LRCH4: variants seen among roughly 807,000 people sequenced by gnomAD.
LRCH4 encodes the protein leucine-rich repeat and calponin homology domain-containing protein 4.
In LRCH4, 56 loss-of-function variants were observed where a neutral mutation model predicts 81.2. The observed-to-expected ratio is 0.69, with a 90% CI of 0.56 to 0.86. The LOEUF (loss-of-function observed/expected upper bound fraction) is 0.86. Ranked by LOEUF, LRCH4 falls within the 40% of genes least tolerant of loss-of-function variation. LRCH4 has a pLI of 0.00. For missense variants in LRCH4, 895 were observed against 922.8 expected (o/e 0.97, Z 0.39); for synonymous variants, 442 against 409.7 (o/e 1.08, Z -0.95).
At chr7:100,576,559 C>G (rs1415802522) in intron 14 of LRCH4, 135 bp downstream of exon 14, 3 of 807,124 alleles carry the variant, frequency 3.7e-6, no homozygotes, top group East Asian at 2.7e-5. Flanking sequence ...CCACCACACC[C>G]GGCTTGCTTG....
Position 100,574,803 on chromosome 7 carries a change from A to C in LRCH4, c.*304T>G. On this transcript the variant is annotated 3_prime_UTR_variant, in exon 18 of 18. Coordinates refer to ENST00000310300, the MANE Select transcript of LRCH4 (RefSeq NM_002319.5). ...GGGGGAAGGGGAGGGCACAGGAGGA[A>C]GGGGGAGACTCCAGCTCCTGCCACC... The C allele has an allele frequency of 3.5e-5, 11 of 316,650 alleles. No individual in the cohort carries two copies. Among genetic ancestry groups the C allele is most frequent in the East Asian group, 1.1e-4 (2 of 18,552 alleles). 19.6% of individuals were successfully genotyped at this position (316,650 alleles called of 1,614,324 possible). A position where few individuals can be genotyped will look rare whatever the true frequency, so the allele number is the denominator to read the frequency against.
At chr7:100,576,499 A>C (rs1349173932) in intron 14 of LRCH4, 176 bp from the exon 15 acceptor site, 3 of 667,928 alleles carry the variant, frequency 4.5e-6, no homozygotes, top group Non-Finnish European at 5.2e-6. Context: ...CCTGGGCTCA[A>C]GCGATCCTCC....
chr7:100,578,523 G>A lies in LRCH4; in HGVS notation c.736-12C>T. The A allele has an allele frequency of 6.2e-7, 1 of 1,608,798 alleles. No homozygotes were observed. The highest frequency in any genetic ancestry group is 8.5e-7 in the Non-Finnish European group (1 of 1,176,106). ...CCCTTCAGGCAGACCTGTGTGCGGG[G>A]CAGCACACGCCAGGGAGTTGGCAGG... On this transcript the variant is annotated splice_polypyrimidine_tract_variant and intron_variant, in intron 5 of 17. Transcript: ENST00000310300. This position sits in a 1 kb window ranked among gnomAD's most constrained non-coding sequence, Gnocchi z 5.7.
chr7:100,583,867 G>A lies in LRCH4; in HGVS notation c.221-1408C>T, dbSNP rs1421398503. On this transcript the variant is annotated intron_variant, in intron 1 of 17. Coordinates refer to ENST00000310300, the MANE Select transcript of LRCH4 (RefSeq NM_002319.5). The surrounding 1 kb of genome is among the most constrained non-coding windows in gnomAD (Gnocchi z 4.3). ...AGGGGGTGGAGACCGAGTTCTCAGA[G>A]TTCTGATGGGGTAGGCGGTGGCGGG... 4 of 295,304 alleles carry A rather than the reference G, an allele frequency of 1.4e-5. No homozygotes were observed. The highest frequency in any genetic ancestry group is 2.1e-5 in the Non-Finnish European group (3 of 145,358). The allele number at this position is 295,304 out of a possible 1,614,324, so 18.3% of individuals were successfully genotyped here. A position where few individuals can be genotyped will look rare whatever the true frequency, so the allele number is the denominator to read the frequency against.
In LRCH4 at chr7:100,578,854, AC is replaced by A. The variant is rs1394417070; in HGVS notation, c.599-69del. On this transcript the variant is annotated intron_variant, in intron 4 of 17. Transcript: ENST00000310300. The surrounding 1 kb of genome is among the most constrained non-coding windows in gnomAD (Gnocchi z 5.7). ...GCTGTGGCCTCGTGCTCACTCCCTC[AC>A]CCTTGGCTCCAGCTGGCCAGTCACC... 1.3e-6 allele frequency: 2 copies of A among 1,551,602 alleles called. No homozygotes were observed. Among genetic ancestry groups the A allele is most frequent in the African/African-American group, 2.7e-5 (2 of 73,620 alleles).
Position 100,577,404 on chromosome 7 carries a change from C to T in LRCH4, c.1179-15G>A. The T allele has an allele frequency of 6.2e-7, 1 of 1,600,206 alleles. No homozygotes were observed. The highest frequency in any genetic ancestry group is 2.2e-5 in the East Asian group (1 of 44,872). ...GCTCCTCCCGCCTGAGGGACCAAGA[C>T]AGGGCAAGAGGGGCAGACCCCGGGG... On this transcript the variant is annotated splice_polypyrimidine_tract_variant and intron_variant, in intron 10 of 17. Transcript: ENST00000310300. The surrounding 1 kb of genome is among the most constrained non-coding windows in gnomAD (Gnocchi z 6.7).
At chr7:100,576,658 G>A in intron 14 of LRCH4, 36 bp downstream of exon 14, 1 of 1,532,018 alleles carries the variant, frequency 6.5e-7, no homozygotes, top group Admixed American at 1.9e-5. Flanking sequence ...GTGCTGGCAA[G>A]CACTGGGTCA....
At position 100,575,207 on chromosome 7, in the gene LRCH4, G is replaced by A. The variant is rs752664210; in HGVS notation, c.1952C>T (p.Pro651Leu). Residue 651 changes from proline (P) to leucine (L), a missense_variant, in exon 18 of 18, where the codon CCG becomes CTG. By Grantham distance (98) the Pro-to-Leu change is moderately conservative. Coordinates refer to ENST00000310300, the MANE Select transcript of LRCH4 (RefSeq NM_002319.5). The surrounding 1 kb of genome is among the most constrained non-coding windows in gnomAD (Gnocchi z 5.3). ...CAGACCAGAGGGGGGCCAGAGGGGC[G>A]GTAGGGCCTTGCCCCCCACCCGCTT... is the stretch of plus-strand genomic sequence containing the variant. ...AVKRVGGKALPPLWPPSGLGG... is the reference protein window; with the variant it reads ...AVKRVGGKALLPLWPPSGLGG... 7.4e-6 allele frequency: 12 copies of A among 1,611,602 alleles called. No homozygotes were observed. The highest frequency in any genetic ancestry group is 2.2e-5 in the East Asian group (1 of 44,830).
chr7:100,581,676 C>G, intron 4 of LRCH4, 101 bp downstream of exon 4: 1 of 923,474 alleles, frequency 1.1e-6, no homozygotes, highest in Non-Finnish European at 1.7e-6. Context: ...GAATGCCTGC[C>G]ATGTATAAGC....
In LRCH4 at chr7:100,578,487, T is replaced by C. The variant is rs764242893; in HGVS notation, c.760A>G (p.Ile254Val). ...GCCTCTGTGGACAAATACTTGAAGA[T>C]GTGAAGTTTCCCCTTCAGGCAGACC... Reference protein sequence around the residue: ...AQVCLKGKLHIFKYLSTEAGQ... With the variant: ...AQVCLKGKLHVFKYLSTEAGQ... The change falls in exon 6 of 18, where the codon ATC (isoleucine) becomes GTC (valine). Residue 254 changes from isoleucine to valine, a missense_variant. Around this residue, in one of 3 missense-constraint regions of LRCH4, gnomAD observed 360 missense variants for 397.0 expected, o/e 0.91. Coordinates refer to ENST00000310300, the MANE Select transcript of LRCH4 (RefSeq NM_002319.5). The surrounding 1 kb of genome is among the most constrained non-coding windows in gnomAD (Gnocchi z 5.7). 4.3e-6 allele frequency: 7 copies of C among 1,613,890 alleles called. No individual in the cohort carries two copies. Among genetic ancestry groups the C allele is most frequent in the Admixed American group, 3.3e-5 (2 of 59,988 alleles).
In LRCH4 at chr7:100,575,997, G is replaced by C. The variant is rs780926360; in HGVS notation, c.1650C>G (p.Ser550=). The C allele has an allele frequency of 7.5e-6, 12 of 1,604,376 alleles. No individual in the cohort carries two copies. The South Asian group carries it at 1.3e-4, about 18-fold the overall frequency. ...LMTQLRQVLE[S]RLQRPLPEDL... is the part of the protein sequence containing the mutation. ...CCTCAGGCAGGGGCCGCTGCAGCCG[G>C]GACTCAAGGACCTGGCAGTGTAGAC... The change falls in exon 16 of 18, where the codon TCC becomes TCG. Residue 550 remains serine (S), a synonymous_variant. Coordinates refer to ENST00000310300, the MANE Select transcript of LRCH4 (RefSeq NM_002319.5). This position sits in a 1 kb window ranked among gnomAD's most constrained non-coding sequence, Gnocchi z 5.3.
rs1327292211 is a variant in LRCH4, at chr7:100,574,904, C to T, written c.*203G>A. The T allele has an allele frequency of 7.2e-6, 4 of 555,900 alleles. No homozygotes were observed. The highest frequency in any genetic ancestry group is 1.9e-5 in the African/African-American group (1 of 53,034). The allele number at this position is 555,900 out of a possible 1,614,324, so 34.4% of individuals were successfully genotyped here. A position where few individuals can be genotyped will look rare whatever the true frequency, so the allele number is the denominator to read the frequency against. ...CCGTCAGCACTGAGAGGTGGGGACT[C>T]GTGGGGCTACTGGAGGGAGGCCAGA... On this transcript the variant is annotated 3_prime_UTR_variant, in exon 18 of 18. Transcript: ENST00000310300.
At position 100,577,416 on chromosome 7, in the gene LRCH4, G is replaced by A. The variant is rs1471935931; in HGVS notation, c.1179-27C>T. On this transcript the variant is annotated intron_variant, in intron 10 of 17. Coordinates refer to ENST00000310300, the MANE Select transcript of LRCH4 (RefSeq NM_002319.5). This position sits in a 1 kb window ranked among gnomAD's most constrained non-coding sequence, Gnocchi z 6.7. ...TGAGGGACCAAGACAGGGCAAGAGG[G>A]GCAGACCCCGGGGTCAGGGAAGGAG... is the stretch of plus-strand genomic sequence containing the variant. 6.2e-7 allele frequency: 1 copy of A among 1,600,380 alleles called. No individual in the cohort carries two copies. Among genetic ancestry groups the A allele is most frequent in the South Asian group, 1.1e-5 (1 of 91,052 alleles).
In LRCH4 at chr7:100,583,943, G is replaced by A. The variant is rs1801638056; in HGVS notation, c.221-1484C>T. 1 of 330,834 alleles carries A rather than the reference G, an allele frequency of 3.0e-6. No individual in the cohort carries two copies. Among genetic ancestry groups the A allele is most frequent in the Admixed American group, 3.8e-5 (1 of 26,162 alleles). The allele number at this position is 330,834 out of a possible 1,614,324, so 20.5% of individuals were successfully genotyped here. A position where few individuals can be genotyped will look rare whatever the true frequency, so the allele number is the denominator to read the frequency against. On this transcript the variant is annotated intron_variant, in intron 1 of 17. Transcript: ENST00000310300. This position sits in a 1 kb window ranked among gnomAD's most constrained non-coding sequence, Gnocchi z 4.3. ...CTCAGGCAGGAGGCAGGGCACTGGG[G>A]GCACAGGATGTGGTCTGGGAGAGAA...
rs960982901 is a variant in LRCH4 at position 100,574,688 on chromosome 7, T to C, written c.*419A>G. On this transcript the variant is annotated 3_prime_UTR_variant, in exon 18 of 18. Coordinates refer to ENST00000310300, the MANE Select transcript of LRCH4 (RefSeq NM_002319.5). ...GGTCTGTACAGTTTATACACAGAGA[T>C]AGGGACCCGGCCTGGGCCCCGAACC... is the stretch of plus-strand genomic sequence containing the variant. 1.7e-5 allele frequency: 3 copies of C among 178,412 alleles called. No homozygotes were observed. The highest frequency in any genetic ancestry group is 2.4e-5 in the African/African-American group (1 of 41,632). 11.1% of individuals were successfully genotyped at this position (178,412 alleles called of 1,614,324 possible).
chr7:100,581,977 T>A (rs2131207725), intron 3 of LRCH4, 64 bp downstream of exon 3: 1 of 1,599,258 alleles, frequency 6.3e-7, no homozygotes, highest in Middle Eastern at 2.2e-4. Context: ...CTCCCCAACC[T>A]CCCCCTAGAA....
chr7:100,578,946 C>A lies in LRCH4; in HGVS notation c.599-160G>T, dbSNP rs188664354. 1.3e-5 allele frequency: 9 copies of A among 685,626 alleles called. No homozygotes were observed. In the East Asian group the frequency reaches 2.5e-4, roughly 19 times the overall value. The allele number at this position is 685,626 out of a possible 1,614,324, so 42.5% of individuals were successfully genotyped here. The stretch of plus-strand genomic sequence containing the variant: ...TTCCCCGGGAGAAACCTCCCTGCTC[C>A]TCTCTCCACATGATTCTGGTCCACG... On this transcript the variant is annotated intron_variant, in intron 4 of 17. Coordinates refer to ENST00000310300, the MANE Select transcript of LRCH4 (RefSeq NM_002319.5). This position sits in a 1 kb window ranked among gnomAD's most constrained non-coding sequence, Gnocchi z 5.7.
chr7:100,576,751 C>T lies in LRCH4; in HGVS notation c.1495G>A (p.Gly499Ser), dbSNP rs937359122. The stretch of plus-strand genomic sequence containing the variant: ...AAGCTGTTTGGTCTCTGAATGGAGC[C>T]AAGTGGCCGTGGAGCAGGTGCTGTC... ...PATAPAPRPL[G>S]SIQRPNSFLF... The change falls in exon 14 of 18, where the codon GGC (glycine) becomes AGC (serine). Residue 499 changes from glycine (G) to serine (S), a missense_variant. Physicochemically the swap from Gly to Ser is moderately conservative, Grantham distance 56. This residue lies in a region of LRCH4 where 529 missense variants were observed against 504.9 expected (regional missense o/e 1.05). Transcript: ENST00000310300. 39 of 1,597,400 alleles carry T rather than the reference C, an allele frequency of 2.4e-5. No homozygotes were observed. Among genetic ancestry groups the T allele is most frequent in the Non-Finnish European group, 3.3e-5 (39 of 1,171,914 alleles).
chr7:100,582,539 C>T lies in LRCH4; in HGVS notation c.221-80G>A. ...CCTTCAGTCCCCCCAGAGCCGGCTG[C>T]CCACTCCCTCACCTCCACACCTAAA... On this transcript the variant is annotated intron_variant, in intron 1 of 17. Coordinates refer to ENST00000310300, the MANE Select transcript of LRCH4 (RefSeq NM_002319.5). The surrounding 1 kb of genome is among the most constrained non-coding windows in gnomAD (Gnocchi z 5.0). 8.5e-6 allele frequency: 12 copies of T among 1,407,244 alleles called. 1 individual carries two copies. The South Asian group carries it at 1.5e-4, about 17-fold the overall frequency. 87.2% of individuals were successfully genotyped at this position (1,407,244 alleles called of 1,614,324 possible).
Sources: allele counts gnomAD v4.1 joint callset, GRCh38; gene constraint gnomAD v4.1.1; regional missense constraint gnomAD v4.1.1; non-coding constraint Gnocchi (gnomAD v3.1); transcripts MANE v1.5; gene names NCBI Gene and HGNC (gene_info 2026-07-23, HGNC 2026-07-21).